The following ANKRD27 variants were observed in gnomAD, a reference collection of about 807,000 sequenced individuals.
ANKRD27 encodes the protein ankyrin repeat domain-containing protein 27.
Under a neutral mutation model 129.7 loss-of-function variants are expected in ANKRD27, and 112 were observed. That is an observed-to-expected ratio of 0.86 (90% CI 0.74 to 1.01). ANKRD27 has a LOEUF of 1.01. Among genes scored for constraint, ANKRD27 ranks in the 50% least tolerant of loss-of-function variants. The pLI is 0.00. For missense variants in ANKRD27, 1,258 were observed against 1,300.5 expected, an observed-to-expected ratio of 0.97 and a Z score of 0.50; for synonymous variants, 516 against 511.2, an observed-to-expected ratio of 1.01 and a Z score of -0.13.
At chr19:32,643,007 C>G in intron 9 of ANKRD27, 116 bp downstream of exon 9, 1 of 1,017,236 alleles carries the variant, frequency 9.8e-7, no homozygotes, top group South Asian at 1.4e-5. Flanking sequence ...CGCTGCTCCT[C>G]AGAACTAACC....
At position 32,607,841 on chromosome 19, in the gene ANKRD27, C is replaced by T. The variant is rs758373601; in HGVS notation, c.2176-9G>A. On this transcript the variant is annotated splice_polypyrimidine_tract_variant and intron_variant, in intron 22 of 28. Transcript: ENST00000306065. ...GGAACCTTCGCCAGCCTCTGGGAAG[C>T]GCAGAAGATGGAAACACAAACGTCA... 1.2e-5 allele frequency: 19 copies of T among 1,598,080 alleles called. No homozygotes were observed. The highest frequency in any genetic ancestry group is 2.7e-5 in the African/African-American group (2 of 74,562).
Position 32,639,434 on chromosome 19 carries a change from A to C in ANKRD27, c.1038T>G (p.Asp346Glu). 1 of 1,614,152 alleles carries C rather than the reference A, an allele frequency of 6.2e-7. No homozygotes were observed. Among genetic ancestry groups the C allele is most frequent in the Non-Finnish European group, 8.5e-7 (1 of 1,180,030 alleles). Residue 346 changes from aspartate to glutamate, a missense_variant, in exon 12 of 29, where the codon GAT (aspartate) becomes GAG (glutamate). Asp to Glu is a conservative substitution (Grantham distance 45). Coordinates refer to ENST00000306065, the MANE Select transcript of ANKRD27 (RefSeq NM_032139.3). ...KNFRFSSLAK[D>E]ELGYCLTSFE... is the part of the protein sequence containing the mutation. Reference sequence around the variant, plus strand: ...ATGAGGTCAGGCAGTATCCCAGTTCATCCTTTGCCAAGCTGCTAAACCTGA... The same window carrying C: ...ATGAGGTCAGGCAGTATCCCAGTTCCTCCTTTGCCAAGCTGCTAAACCTGA...
At chr19:32,600,576 CTT>C (rs1371000534) in intron 26 of ANKRD27, among the ~76,000 whole-genome samples, 4 of 152,252 alleles carry the variant, frequency 2.6e-5, no homozygotes, top group African/African-American at 7.2e-5. Flanking sequence ...ATTTTGAACT[CTT>C]TGACTTCATG....
chr19:32,618,341 TG>T (rs1971953965), intron 20 of ANKRD27, among the ~76,000 whole-genome samples: 1 of 150,322 alleles, frequency 6.7e-6, no homozygotes, highest in Non-Finnish European at 1.5e-5. Flanking sequence ...TGGCTCGGCC[TG>T]TAATCCCAGC....
chr19:32,670,718 G>C (rs1967852662), intron 1 of ANKRD27, among the ~76,000 whole-genome samples: 1 of 149,130 alleles, frequency 6.7e-6, no homozygotes, highest in South Asian at 2.1e-4. Flanking sequence ...AAAGGGCCAG[G>C]CACAGTGGCT....
rs1967150114 is a variant in ANKRD27 at position 32,639,355 on chromosome 19, CAGGGG to C, written c.1112_1116del (p.Pro371ArgfsTer3). The C allele has an allele frequency of 6.2e-7, 1 of 1,614,034 alleles. No homozygotes were observed. The highest frequency in any genetic ancestry group is 8.5e-7 in the Non-Finnish European group (1 of 1,180,020). On this transcript the variant is annotated frameshift_variant and splice_region_variant, in exon 12 of 29. Coordinates refer to ENST00000306065, the MANE Select transcript of ANKRD27 (RefSeq NM_032139.3). LOFTEE classifies it high-confidence loss of function. ...AGGCCAGGGCAGGGGTGAGATCTTA[CAGGGG>C]GTTTAGCAGAGAGGCTTCCTTGCCG...
intron 2 of ANKRD27, among the ~76,000 whole-genome samples, chr19:32,657,399 T>C (rs533201504): frequency 6.6e-6 from 1 of 151,278 alleles, no homozygotes; most frequent in East Asian, 1.9e-4. Context: ...GAGGTGGAGG[T>C]TGCAGTGAGT....
chr19:32,638,309 C>T (rs374772490), intron 12 of ANKRD27: 2 of 152,308 alleles, frequency 1.3e-5, no homozygotes, highest in African/African-American at 2.4e-5. Flanking sequence ...GAGCTACCTA[C>T]GTCAGGCCTC....
chr19:32,673,995 AAAAAATT>A (rs1161029696), intron 1 of ANKRD27, among the ~76,000 whole-genome samples: 5 of 151,924 alleles, frequency 3.3e-5, no homozygotes, highest in African/African-American at 9.7e-5. Flanking sequence ...AAAAAAAAAA[AAAAAATT>A]AAAAATTAGC....
intron 1 of ANKRD27, among the ~76,000 whole-genome samples, chr19:32,662,257 C>T (rs1967658413): frequency 6.7e-6 from 1 of 149,874 alleles, no homozygotes; most frequent in East Asian, 2.0e-4. Flanking sequence ...ATTGCAGTGA[C>T]CCCAGATCCT....
At chr19:32,622,306 A>G in intron 18 of ANKRD27, 116 bp downstream of exon 18, 1 of 1,099,514 alleles carries the variant, frequency 9.1e-7, no homozygotes. Flanking sequence ...AAAGGGTGCA[A>G]GCCAAGTTCT....
chr19:32,643,476 G>A lies in ANKRD27; in HGVS notation c.594C>T (p.Leu198=), dbSNP rs141730709. 9.9e-6 allele frequency: 16 copies of A among 1,613,572 alleles called. No individual in the cohort carries two copies. Among genetic ancestry groups the A allele is most frequent in the African/African-American group, 6.7e-5 (5 of 74,752 alleles). ...QLLRDSHLKM[L]AKQEAQMNLM... is the part of the protein sequence containing the mutation. ...GGTTCATCTGGGCCTCCTGCTTGGC[G>A]AGCATTTTCTAGAGGGCAAGAAAAG... Residue 198 remains leucine, a synonymous_variant, in exon 7 of 29, where the codon CTC becomes CTT. Transcript: ENST00000306065.
intron 17 of ANKRD27, among the ~76,000 whole-genome samples, chr19:32,623,225 G>A (rs1426558961): frequency 1.3e-5 from 2 of 152,226 alleles, no homozygotes; most frequent in Non-Finnish European, 1.5e-5. Context: ...AGGCCTGCTT[G>A]CAAGACTGCC....
intron 22 of ANKRD27, 49 bp from the exon 23 acceptor site, chr19:32,607,881 A>C: frequency 6.5e-7 from 1 of 1,548,734 alleles, no homozygotes; most frequent in Non-Finnish European, 8.7e-7. Context: ...TATTGAAGAA[A>C]CTGGGCTGGA....
chr19:32,667,832 CAAAA>C (rs10667176), intron 1 of ANKRD27, among the ~76,000 whole-genome samples: 1 of 134,914 alleles, frequency 7.4e-6, no homozygotes. Context: ...AACTCCGTCT[CAAAA>C]AAAAAAAAAA....
intron 15 of ANKRD27, among the ~76,000 whole-genome samples, chr19:32,627,594 C>A (rs1427774287): frequency 6.6e-6 from 1 of 152,048 alleles, no homozygotes; most frequent in African/African-American, 2.4e-5. Flanking sequence ...GACAGAGTTT[C>A]TCCATGTCGG....
At chr19:32,632,652 C>T (rs1373238890) in intron 12 of ANKRD27, among the ~76,000 whole-genome samples, 1 of 151,042 alleles carries the variant, frequency 6.6e-6, no homozygotes. Flanking sequence ...AATCATTTCT[C>T]GCAAGACAGT....
chr19:32,602,621 G>A lies in ANKRD27; in HGVS notation c.2656-495C>T, dbSNP rs555793525. 9.9e-5 allele frequency among the ~76,000 whole-genome samples: 15 copies of A among 151,998 alleles called. No individual in the cohort carries two copies. In the South Asian group the frequency reaches 2.5e-3, roughly 25 times the overall value. On this transcript the variant is annotated intron_variant, in intron 25 of 28. Coordinates refer to ENST00000306065, the MANE Select transcript of ANKRD27 (RefSeq NM_032139.3). ...TTAAAAATAATAAAAGGCCAGGCGC[G>A]ATGGCTCACGCCTGTAATCTCAGCA... is the stretch of plus-strand genomic sequence containing the variant.
rs73571610 is a variant in ANKRD27 at position 32,623,359 on chromosome 19, G to A, written c.1630-740C>T. Among the ~76,000 whole-genome samples, 288 of 152,218 alleles carry A rather than the reference G, an allele frequency of 1.9e-3. 2 individuals are homozygous for A. Among genetic ancestry groups the A allele is most frequent in the African/African-American group, 6.4e-3 (265 of 41,532 alleles). On this transcript the variant is annotated intron_variant, in intron 17 of 28. Coordinates refer to ENST00000306065, the MANE Select transcript of ANKRD27 (RefSeq NM_032139.3). ...ACAATGTGGTTTATGCTGAACGCCC[G>A]AGTTTCTTCTGGGAGTATGGCATTT...
Sources: gnomAD v4.1 joint callset for allele counts (sites outside exome capture counted in the v4.1 genomes callset) on GRCh38, gnomAD v4.1.1 for gene constraint, MANE v1.5 for transcripts, NCBI Gene and HGNC (gene_info 2026-07-23, HGNC 2026-07-21) for gene names.